MAP3K20: variants seen among roughly 807,000 people sequenced by gnomAD.
MAP3K20 encodes the protein mitogen-activated protein kinase kinase kinase 20.
Under a neutral mutation model 85.7 loss-of-function variants are expected in MAP3K20, and 40 were observed. The observed-to-expected ratio is 0.47, with a 90% CI of 0.36 to 0.61. The LOEUF is 0.61. Among genes scored for constraint, MAP3K20 ranks in the 20% least tolerant of loss-of-function variants. The pLI is 0.00. For synonymous variants in MAP3K20, 325 were observed against 327.7 expected (o/e 0.99, Z 0.09); for missense variants, 817 against 961.7 (o/e 0.85, Z 1.99).
intron 10 of MAP3K20, chr2:173,210,749 G>C (rs986910959): frequency 6.6e-6 from 1 of 152,068 alleles, no homozygotes; most frequent in Non-Finnish European, 1.5e-5. Flanking sequence ...CTCTGCTCCC[G>C]ATAGCCGTGG....
intron 2 of MAP3K20, among the ~76,000 whole-genome samples, chr2:173,132,182 A>G (rs1688637277): frequency 6.6e-6 from 1 of 152,138 alleles, no homozygotes. Context: ...TTTCTGATTC[A>G]TCTGTCATAT....
At chr2:173,244,403 T>G (rs1167254418) in intron 16 of MAP3K20, among the ~76,000 whole-genome samples, 3 of 152,188 alleles carry the variant, frequency 2.0e-5, no homozygotes, top group Non-Finnish European at 2.9e-5. Flanking sequence ...AGATAATACA[T>G]TTCTAAAGAG....
intron 11 of MAP3K20, chr2:173,225,659 C>T: frequency 1.0e-6 from 1 of 983,300 alleles, no homozygotes; most frequent in Non-Finnish European, 1.2e-6. Context: ...ACAAACTTAT[C>T]AAATCCAGAA....
intron 14 of MAP3K20, 94 bp downstream of exon 14, chr2:173,232,553 G>A: frequency 6.5e-7 from 1 of 1,539,346 alleles, no homozygotes; most frequent in Non-Finnish European, 8.7e-7. Flanking sequence ...GCCCAGGCTG[G>A]AGTGCAAAGG....
At chr2:173,090,051 T>A (rs1687248947) in intron 1 of MAP3K20, among the ~76,000 whole-genome samples, 1 of 152,252 alleles carries the variant, frequency 6.6e-6, no homozygotes, top group Admixed American at 6.5e-5. Context: ...AAGAATAGTA[T>A]AAACCACATA....
At chr2:173,111,557 G>A (rs1382779302) in intron 2 of MAP3K20, among the ~76,000 whole-genome samples, 1 of 152,176 alleles carries the variant, frequency 6.6e-6, no homozygotes. Context: ...ATAGTTTCAG[G>A]TCTTAGGTTT....
rs1375450020 is a variant in MAP3K20, at chr2:173,198,267, C to G, written c.669+155C>G. 3.4e-6 allele frequency: 2 copies of G among 585,106 alleles called. No homozygotes were observed. Among genetic ancestry groups the G allele is most frequent in the Non-Finnish European group, 5.9e-6 (2 of 340,294 alleles). 36.2% of individuals were successfully genotyped at this position (585,106 alleles called of 1,614,324 possible). ...CACAAAGGGTCAAAGTGATGTTATT[C>G]CTCATGAATGGACCCTTTACATCTA... is the stretch of plus-strand genomic sequence containing the variant. On this transcript the variant is annotated intron_variant, in intron 8 of 19. Transcript: ENST00000375213. The surrounding 1 kb of genome is among the most constrained non-coding windows in gnomAD (Gnocchi z 5.8).
At chr2:173,258,942 G>A in intron 17 of MAP3K20, 127 bp downstream of exon 17, 1 of 522,714 alleles carries the variant, frequency 1.9e-6, no homozygotes, top group Non-Finnish European at 3.4e-6. Flanking sequence ...CGAGCTGGCT[G>A]TTGAAAGGCA....
chr2:173,205,946 G>T (rs1043011924), intron 9 of MAP3K20, among the ~76,000 whole-genome samples: 2 of 152,056 alleles, frequency 1.3e-5, no homozygotes, highest in Non-Finnish European at 2.9e-5. Flanking sequence ...CTATAAGCAC[G>T]TATTTTCAAG....
At chr2:173,224,995 G>A in intron 11 of MAP3K20, 3 of 983,662 alleles carry the variant, frequency 3.0e-6, no homozygotes, top group Non-Finnish European at 3.6e-6. Flanking sequence ...AAGAAACAGT[G>A]AGAAATGTAA....
intron 4 of MAP3K20, among the ~76,000 whole-genome samples, chr2:173,186,212 A>G (rs973085503): frequency 2.6e-5 from 4 of 152,154 alleles, no homozygotes; most frequent in Admixed American, 1.3e-4. Context: ...TGTAGAAACT[A>G]TCTCTACCAG....
At chr2:173,221,419 G>A (rs1426186322) in intron 11 of MAP3K20, 2 of 1,614,074 alleles carry the variant, frequency 1.2e-6, no homozygotes, top group East Asian at 4.5e-5. Context: ...AGAGAAGGGG[G>A]AAGAAAGTCA....
intron 9 of MAP3K20, among the ~76,000 whole-genome samples, chr2:173,206,532 T>G (rs988422532): frequency 6.6e-6 from 1 of 152,216 alleles, no homozygotes; most frequent in Non-Finnish European, 1.5e-5. Flanking sequence ...CCTTACATAC[T>G]TTCATTCCCA....
At chr2:173,105,185 G>C (rs1687748513) in intron 2 of MAP3K20, among the ~76,000 whole-genome samples, 1 of 152,230 alleles carries the variant, frequency 6.6e-6, no homozygotes, top group Non-Finnish European at 1.5e-5. Context: ...ATGGGACAGA[G>C]ACAGGGGACC....
intron 2 of MAP3K20, among the ~76,000 whole-genome samples, chr2:173,107,380 G>C (rs1687812557): frequency 6.6e-6 from 1 of 152,092 alleles, no homozygotes; most frequent in Non-Finnish European, 1.5e-5. Flanking sequence ...CAGGAGTTGA[G>C]AAGATATGGG....
intron 2 of MAP3K20, among the ~76,000 whole-genome samples, chr2:173,150,512 A>G (rs2106226314): frequency 6.6e-6 from 1 of 152,296 alleles, no homozygotes; most frequent in African/African-American, 2.4e-5. Context: ...TTTTCCAGCA[A>G]TTGATTGTTC....
At chr2:173,168,263 A>G (rs911000176) in intron 2 of MAP3K20, among the ~76,000 whole-genome samples, 1 of 152,136 alleles carries the variant, frequency 6.6e-6, no homozygotes, top group African/African-American at 2.4e-5. Flanking sequence ...AGACCCCTCT[A>G]TACACACGAG....
intron 16 of MAP3K20, among the ~76,000 whole-genome samples, chr2:173,243,064 T>G (rs929607488): frequency 6.6e-6 from 1 of 152,210 alleles, no homozygotes; most frequent in Non-Finnish European, 1.5e-5. Flanking sequence ...ACTTTGTGCC[T>G]GGCTCTAAGG....
At chr2:173,226,449 G>A in intron 11 of MAP3K20, 1 of 985,502 alleles carries the variant, frequency 1.0e-6, no homozygotes, top group Non-Finnish European at 1.2e-6. Context: ...TGCTGCTTTT[G>A]AGTAAGACTG....
Sources: gnomAD v4.1 joint callset for allele counts (sites outside exome capture counted in the v4.1 genomes callset) on GRCh38, gnomAD v4.1.1 for gene constraint, Gnocchi (gnomAD v3.1) non-coding constraint, MANE v1.5 for transcripts, NCBI Gene and HGNC (gene_info 2026-07-23, HGNC 2026-07-21) for gene names.